BACH2: variants seen among roughly 807,000 people sequenced by gnomAD.
The protein encoded by BACH2 is BACH transcriptional regulator 2.
Under a neutral mutation model 61.8 loss-of-function variants are expected in BACH2, and 5 were observed. The ratio of observed to expected loss-of-function variants is 0.08; its 90% confidence interval spans 0.04 to 0.17. BACH2 has a LOEUF of 0.17. BACH2 is among the 10% of genes least tolerant of loss of function. The pLI, the probability that BACH2 is intolerant of heterozygous loss-of-function variation, is 1.00. For missense variants in BACH2, 824 were observed against 1,091.1 expected (o/e 0.76, Z 3.45); for synonymous variants, 446 against 440.1 (o/e 1.01, Z -0.17).
intron 4 of BACH2, among the ~76,000 whole-genome samples, chr6:90,138,476 G>A (rs1784355878): frequency 6.6e-6 from 1 of 152,074 alleles, no homozygotes; most frequent in Admixed American, 6.5e-5. Context: ...TCCAGCCTGG[G>A]TGACAGAGTG....
At chr6:90,017,896 T>C (rs1778154358) in intron 5 of BACH2, among the ~76,000 whole-genome samples, 1 of 152,260 alleles carries the variant, frequency 6.6e-6, no homozygotes, top group South Asian at 2.1e-4. Context: ...CCTTGTTAAA[T>C]GCTGGATATT....
intron 4 of BACH2, among the ~76,000 whole-genome samples, chr6:90,198,914 T>C (rs899588041): frequency 1.3e-5 from 2 of 152,174 alleles, no homozygotes; most frequent in Non-Finnish European, 2.9e-5. Flanking sequence ...GTCTTTCCCA[T>C]GCTGTTCTTG....
chr6:90,122,533 C>T (rs1783674760), intron 4 of BACH2, among the ~76,000 whole-genome samples: 1 of 152,118 alleles, frequency 6.6e-6, no homozygotes, highest in South Asian at 2.1e-4. Context: ...GAAAGTGGCC[C>T]CAAATCTGCT....
intron 2 of BACH2, among the ~76,000 whole-genome samples, chr6:90,267,332 T>C (rs1264580419): frequency 6.6e-6 from 1 of 152,182 alleles, no homozygotes; most frequent in African/African-American, 2.4e-5. Context: ...AAGCACACTC[T>C]TGCTGGCAAT....
intron 4 of BACH2, among the ~76,000 whole-genome samples, chr6:90,204,814 T>C (rs187528236): frequency 6.6e-6 from 1 of 152,332 alleles, no homozygotes; most frequent in African/African-American, 2.4e-5. Context: ...GCAGAACACC[T>C]GCCTACTTTC....
chr6:90,234,466 C>A (rs550327626), intron 3 of BACH2, among the ~76,000 whole-genome samples: 3 of 152,168 alleles, frequency 2.0e-5, no homozygotes, highest in Non-Finnish European at 4.4e-5. Context: ...TTTGTATAAA[C>A]CTTAGCCTGA....
At chr6:90,040,687 G>A (rs1179415439) in intron 5 of BACH2, among the ~76,000 whole-genome samples, 1 of 151,870 alleles carries the variant, frequency 6.6e-6, no homozygotes, top group Non-Finnish European at 1.5e-5. Context: ...TTCATCTCAG[G>A]AGGATTTTAA....
intron 4 of BACH2, among the ~76,000 whole-genome samples, chr6:90,125,602 T>C (rs1443524947): frequency 6.6e-6 from 1 of 152,212 alleles, no homozygotes; most frequent in Non-Finnish European, 1.5e-5. Flanking sequence ...ACTGCTTCTC[T>C]GCTCAGAACC....
At chr6:90,185,794 T>C (rs951575319) in intron 4 of BACH2, among the ~76,000 whole-genome samples, 1 of 152,238 alleles carries the variant, frequency 6.6e-6, no homozygotes, top group African/African-American at 2.4e-5. Context: ...TGTCTTACAC[T>C]GTAAACTCCC....
chr6:90,225,135 A>T (rs1051897459), intron 3 of BACH2, among the ~76,000 whole-genome samples: 6 of 152,172 alleles, frequency 3.9e-5, no homozygotes, highest in Non-Finnish European at 5.9e-5. Context: ...CTGTAATCCC[A>T]GCACTTTCTG....
chr6:90,295,823 C>T (rs933461490), intron 1 of BACH2, among the ~76,000 whole-genome samples: 8 of 152,154 alleles, frequency 5.3e-5, no homozygotes, highest in African/African-American at 1.9e-4. Flanking sequence ...CGATCCAGGT[C>T]TGCGCCGCGA....
At chr6:90,203,568 C>T (rs1769032634) in intron 4 of BACH2, among the ~76,000 whole-genome samples, 1 of 151,952 alleles carries the variant, frequency 6.6e-6, no homozygotes, top group African/African-American at 2.4e-5. Context: ...ATATGTGCCC[C>T]ACAATTTCTT....
chr6:90,135,509 C>T (rs760562720), intron 4 of BACH2, among the ~76,000 whole-genome samples: 18 of 152,136 alleles, frequency 1.2e-4, no homozygotes, highest in Admixed American at 1.3e-4. Flanking sequence ...GGATGGATCG[C>T]TTGAGACCAG....
At chr6:89,947,666 C>G (rs1008989782) in intron 7 of BACH2, among the ~76,000 whole-genome samples, 1 of 151,816 alleles carries the variant, frequency 6.6e-6, no homozygotes, top group Non-Finnish European at 1.5e-5. Flanking sequence ...CCCGGGCTCA[C>G]GCCATTCTCC....
chr6:90,085,178 G>A (rs567590926), intron 5 of BACH2, among the ~76,000 whole-genome samples: 1 of 152,222 alleles, frequency 6.6e-6, no homozygotes, highest in African/African-American at 2.4e-5. Flanking sequence ...TTGGTGATGG[G>A]GGATAAATCT....
intron 7 of BACH2, among the ~76,000 whole-genome samples, chr6:89,941,487 C>T (rs935154653): frequency 1.3e-5 from 2 of 152,196 alleles, no homozygotes; most frequent in African/African-American, 2.4e-5. Context: ...GGCCCTGCTC[C>T]GACTGCTAAA....
intron 5 of BACH2, among the ~76,000 whole-genome samples, chr6:90,085,118 C>G (rs1024624749): frequency 6.6e-6 from 1 of 152,190 alleles, no homozygotes; most frequent in African/African-American, 2.4e-5. Flanking sequence ...CGGCCACTCA[C>G]TAACCTGTCT....
rs369196000 is a variant in BACH2, at chr6:90,250,490, GTTCATTCA to G, written c.-275+2015_-275+2022del. On this transcript the variant is annotated intron_variant, in intron 3 of 8. Transcript: ENST00000257749. ...GTAGTTTGTCAAATGAAGCCTCACT[GTTCATTCA>G]TTCATTCATTCATTCATTCGACAGA... 4.0e-3 allele frequency among the ~76,000 whole-genome samples: 612 copies of G among 152,126 alleles called. 5 individuals carry two copies. The highest frequency in any genetic ancestry group is 0.013 in the African/African-American group (552 of 41,484).
intron 3 of BACH2, among the ~76,000 whole-genome samples, chr6:90,228,026 C>A (rs562362397): frequency 6.6e-6 from 1 of 152,212 alleles, no homozygotes; most frequent in African/African-American, 2.4e-5. Context: ...TTTTTATCCA[C>A]AAAATAACAT....
Sources: gnomAD v4.1 joint callset for allele counts (sites outside exome capture counted in the v4.1 genomes callset) on GRCh38, gnomAD v4.1.1 for gene constraint, MANE v1.5 for transcripts, NCBI Gene and HGNC (gene_info 2026-07-23, HGNC 2026-07-21) for gene names.